Variants in ZNF347 observed in about 807,000 individuals in gnomAD.
ZNF347 encodes the protein zinc finger protein 347.
Under a neutral mutation model 12.9 loss-of-function variants are expected in ZNF347, and 19 were observed. The ratio of observed to expected loss-of-function variants is 1.47; its 90% CI spans 1.03 to 2.16. The LOEUF (loss-of-function observed/expected upper bound fraction) is 2.16. ZNF347 is among the 30% of genes most tolerant of loss of function. ZNF347 has a pLI of 0.00. For synonymous variants in ZNF347, 328 were observed against 340.6 expected, an observed-to-expected ratio of 0.96 and a Z score of 0.41; for missense variants, 1,005 against 990.6, an observed-to-expected ratio of 1.01 and a Z score of -0.19.
Position 53,135,739 on chromosome 19 carries a change from T to G in ZNF347, c.*4569A>C, listed in dbSNP as rs1367413513. The stretch of plus-strand genomic sequence containing the variant: ...TCTGAAATGAGAATATCATTAATAC[T>G]TATTTCAGGAGCTGATGATTCAGTT... On this transcript the variant is annotated 3_prime_UTR_variant, in exon 5 of 5. Coordinates refer to ENST00000334197, the MANE Select transcript of ZNF347 (RefSeq NM_032584.3). The G allele has an allele frequency of 6.6e-6, 1 of 152,228 alleles. No individual in the cohort carries two copies. The highest frequency in any genetic ancestry group is 2.4e-5 in the African/African-American group (1 of 41,452). The allele number at this position is 152,228 out of a possible 1,614,324, so 9.4% of individuals were successfully genotyped here. A position where few individuals can be genotyped will look rare whatever the true frequency, so the allele number is the denominator to read the frequency against.
chr19:53,149,451 C>A, intron 2 of ZNF347, 84 bp from the exon 3 acceptor site: 1 of 1,598,692 alleles, frequency 6.3e-7, no homozygotes, highest in African/African-American at 1.3e-5. Context: ...ATAGATTAAA[C>A]TGGAGTAAGT....
Position 53,137,823 on chromosome 19 carries a change from C to T in ZNF347, c.*2485G>A, listed in dbSNP as rs1393738505. 2 of 151,592 alleles carry T rather than the reference C, an allele frequency of 1.3e-5. No individual in the cohort carries two copies. The highest frequency in any genetic ancestry group is 6.6e-5 in the Admixed American group (1 of 15,242). 9.4% of individuals were successfully genotyped at this position (151,592 alleles called of 1,614,324 possible). A position where few individuals can be genotyped will look rare whatever the true frequency, so the allele number is the denominator to read the frequency against. ...AATTTCATAATTTTTTTTTTTGAGA[C>T]GGAGTCTCACTTTCTCGCCCAGGCT... On this transcript the variant is annotated 3_prime_UTR_variant, in exon 5 of 5. Transcript: ENST00000334197.
intron 4 of ZNF347, among the ~76,000 whole-genome samples, chr19:53,144,065 C>T (rs1280807088): frequency 7.0e-6 from 1 of 143,122 alleles, no homozygotes; most frequent in Non-Finnish European, 1.5e-5. Context: ...TTCTCTCTTG[C>T]TTTCTTTCTT....
At position 53,140,836 on chromosome 19, in the gene ZNF347, C is replaced by G; in HGVS notation, c.1992G>C (p.Gln664His). 6.2e-7 allele frequency: 1 copy of G among 1,613,670 alleles called. No individual in the cohort carries two copies. The highest frequency in any genetic ancestry group is 1.1e-5 in the South Asian group (1 of 91,036). The change falls in exon 5 of 5, where the codon CAG (glutamine) becomes CAC (histidine). Residue 664 changes from glutamine (Q) to histidine (H), a missense_variant. Gln to His is a conservative substitution (Grantham distance 24). Coordinates refer to ENST00000334197, the MANE Select transcript of ZNF347 (RefSeq NM_032584.3). ...TCCGATGTCTTGCAAGGTGTGAATT[C>G]TGAGTGAAGACCTTGCCACACTCAT... The part of the protein sequence containing the change: ...KCNECGKVFT[Q>H]NSHLARHRRV...
In ZNF347 at chr19:53,146,784, T is replaced by A. The variant is rs141564191; in HGVS notation, c.271+1897A>T. On this transcript the variant is annotated intron_variant, in intron 4 of 4. Coordinates refer to ENST00000334197, the MANE Select transcript of ZNF347 (RefSeq NM_032584.3). ...AAAAACCTAGAAGAAAGGGATACAT[T>A]TCTGGACACATACAACCTATCAAGA... Among the ~76,000 whole-genome samples, 118 of 152,152 alleles carry A rather than the reference T, an allele frequency of 7.8e-4. 2 individuals are homozygous for A. In the East Asian group the frequency reaches 0.021, roughly 27 times the overall value.
In ZNF347 at chr19:53,140,891, A is replaced by G; in HGVS notation, c.1937T>C (p.Ile646Thr). ...EHSNLTTHQV[I>T]HTGEKPYKCN... is the part of the protein sequence containing the mutation. Reference sequence around the variant, plus strand: ...TTTGTAAGGTTTTTCACCAGTATGGATGACCTGATGGGTAGTTAGGTTTGA... The same window carrying G: ...TTTGTAAGGTTTTTCACCAGTATGGGTGACCTGATGGGTAGTTAGGTTTGA... The change falls in exon 5 of 5, where the codon ATC becomes ACC. Residue 646 changes from isoleucine to threonine, a missense_variant. By Grantham distance (89) the Ile-to-Thr change is moderately conservative (BLOSUM62 -1). Coordinates refer to ENST00000334197, the MANE Select transcript of ZNF347 (RefSeq NM_032584.3). 1 of 1,613,440 alleles carries G rather than the reference A, an allele frequency of 6.2e-7. No individual in the cohort carries two copies. The highest frequency in any genetic ancestry group is 8.5e-7 in the Non-Finnish European group (1 of 1,179,852).
rs543465832 is a variant in ZNF347 at position 53,148,732 on chromosome 19, G to A, written c.220C>T (p.Gln74Ter). The change falls in exon 4 of 5, where the codon CAA becomes TAA. Residue 74 changes from glutamine to a stop codon, truncating the protein, a stop_gained. Transcript: ENST00000334197. LOFTEE classifies it high-confidence loss of function. ...KEPFTLESQV[Q>*]IAGNPDGWEW... is the part of the protein sequence containing the mutation. Reference sequence around the variant, plus strand: ...CATCCATCTGGGTTTCCTGCTATTTGTACTTGGCTCTCCAAAGTGAAAGGC... The same window carrying A: ...CATCCATCTGGGTTTCCTGCTATTTATACTTGGCTCTCCAAAGTGAAAGGC... 6 of 1,613,908 alleles carry A rather than the reference G, an allele frequency of 3.7e-6. No individual in the cohort carries two copies. The highest frequency in any genetic ancestry group is 2.2e-5 in the East Asian group (1 of 44,846).
chr19:53,148,525 A>G (rs1452340610), intron 4 of ZNF347, among the ~76,000 whole-genome samples, 156 bp downstream of exon 4: 1 of 152,246 alleles, frequency 6.6e-6, no homozygotes, highest in East Asian at 1.9e-4. Flanking sequence ...ATAAACTAGT[A>G]CAAGTCTAAA....
Position 53,140,718 on chromosome 19 carries a change from T to C in ZNF347, c.2110A>G (p.Thr704Ala). 6.2e-7 allele frequency: 1 copy of C among 1,613,566 alleles called. No homozygotes were observed. Among genetic ancestry groups the C allele is most frequent in the South Asian group, 1.1e-5 (1 of 91,012 alleles). The stretch of plus-strand genomic sequence containing the variant: ...TTACACTCATATGGTTTCTCTCCAG[T>C]ATGAACTCTCTGATGCCTTGCAAGC... ...SKLARHQRVH[T>A]GEKPYECNQC... Residue 704 changes from threonine (T) to alanine (A), a missense_variant, in exon 5 of 5, where the codon ACT (threonine) becomes GCT (alanine). By Grantham distance (58) the Thr-to-Ala change is moderately conservative. Transcript: ENST00000334197.
Position 53,140,448 on chromosome 19 carries a change from C to T in ZNF347, c.2380G>A (p.Glu794Lys). ...CAGATACTAAAGGGTTTCCCACACT[C>T]ATATGGTTTCTCTCCGGTATGAATT... is the stretch of plus-strand genomic sequence containing the variant. ...QRIHTGEKPY[E>K]CGKPFSICSS... Residue 794 changes from glutamate to lysine, a missense_variant, in exon 5 of 5, where the codon GAG becomes AAG. Glu to Lys is a moderately conservative substitution (Grantham distance 56). Coordinates refer to ENST00000334197, the MANE Select transcript of ZNF347 (RefSeq NM_032584.3). 6.2e-7 allele frequency: 1 copy of T among 1,613,918 alleles called. No homozygotes were observed.
intron 4 of ZNF347, among the ~76,000 whole-genome samples, chr19:53,146,976 C>T (rs761700558): frequency 1.3e-5 from 2 of 152,188 alleles, no homozygotes; most frequent in Non-Finnish European, 2.9e-5. Context: ...TAGCTCACGC[C>T]TGTAATCCCA....
In ZNF347 at chr19:53,136,417, TA is replaced by T. The variant is rs1318179259; in HGVS notation, c.*3890del. 1 of 151,880 alleles carries T rather than the reference TA, an allele frequency of 6.6e-6. No individual in the cohort carries two copies. The highest frequency in any genetic ancestry group is 2.4e-5 in the African/African-American group (1 of 41,314). 9.4% of individuals were successfully genotyped at this position (151,880 alleles called of 1,614,324 possible). On this transcript the variant is annotated 3_prime_UTR_variant, in exon 5 of 5. Transcript: ENST00000334197. The stretch of plus-strand genomic sequence containing the variant: ...AAAATGTATGGAAGGAAAAAATCCT[TA>T]AAGTAAAAATCATATACAAAAACAA...
rs771105929 is a variant in ZNF347, at chr19:53,141,457, G to T, written c.1371C>A (p.Tyr457Ter). 1 of 1,613,888 alleles carries T rather than the reference G, an allele frequency of 6.2e-7. No individual in the cohort carries two copies. The highest frequency in any genetic ancestry group is 8.5e-7 in the Non-Finnish European group (1 of 1,179,982). The change falls in exon 5 of 5, where the codon TAC becomes TAA. Residue 457 changes from tyrosine to a stop codon, truncating the protein, a stop_gained. Transcript: ENST00000334197. LOFTEE classifies it low-confidence loss of function (END_TRUNC). ...HLVIHTGEKP[Y>*]KCHECGKVFR... Reference sequence around the variant, plus strand: ...AGACCTTGCCGCATTCATGACATTTGTAAGGCTTTTCTCCGGTGTGAATTA... The same window carrying T: ...AGACCTTGCCGCATTCATGACATTTTTAAGGCTTTTCTCCGGTGTGAATTA...
chr19:53,149,530 T>C, intron 2 of ZNF347, 163 bp from the exon 3 acceptor site: 3 of 1,344,830 alleles, frequency 2.2e-6, no homozygotes, highest in Non-Finnish European at 2.9e-6. Context: ...CTGACATACA[T>C]CTCACTTGGA....
chr19:53,148,401 C>T (rs1018189770), intron 4 of ZNF347, among the ~76,000 whole-genome samples: 3 of 152,154 alleles, frequency 2.0e-5, no homozygotes, highest in Non-Finnish European at 4.4e-5. Context: ...ACAGCCCTCC[C>T]TGTGCCACAC....
In ZNF347 at chr19:53,142,148, G is replaced by A. The variant is rs750351520; in HGVS notation, c.680C>T (p.Pro227Leu). 3.1e-6 allele frequency: 5 copies of A among 1,613,848 alleles called. No homozygotes were observed. In the Admixed American group the frequency reaches 6.7e-5, roughly 22 times the overall value. Residue 227 changes from proline to leucine, a missense_variant, in exon 5 of 5, where the codon CCT (proline) becomes CTT (leucine). Transcript: ENST00000334197. ...AGAAATGTGGGTTTTGACATTATAA[G>A]GCATTTGTTGAGGTGGTGAAACTGA... ...NSSVSPPQQMPYNVKTHISKK... is the reference protein window; with the variant it reads ...NSSVSPPQQMLYNVKTHISKK...
Position 53,142,513 on chromosome 19 carries a change from C to T in ZNF347, c.315G>A (p.Gly105=), listed in dbSNP as rs2090436261. 3 of 1,607,262 alleles carry T rather than the reference C, an allele frequency of 1.9e-6. No individual in the cohort carries two copies. The East Asian group carries it at 6.7e-5, about 36-fold the overall frequency. ...EFVMKDLLHK[G]KSNTGEVFQT... The stretch of plus-strand genomic sequence containing the variant: ...GGAATACTTCTCCTGTATTACTCTT[C>T]CCTTTGTGTAGTAAATCTTTCATTA... Residue 105 remains glycine (G), a synonymous_variant, in exon 5 of 5, where the codon GGG becomes GGA. Transcript: ENST00000334197.
chr19:53,155,155 C>G (rs566271199), intron 1 of ZNF347, among the ~76,000 whole-genome samples: 2 of 152,146 alleles, frequency 1.3e-5, no homozygotes, highest in South Asian at 4.1e-4. Context: ...CCAGGCTGGT[C>G]TCGAACTCCT....
At position 53,154,351 on chromosome 19, in the gene ZNF347, C is replaced by T. The variant is rs117103591; in HGVS notation, c.-46-558G>A. On this transcript the variant is annotated intron_variant, in intron 1 of 4. Transcript: ENST00000334197. ...AAAAAGTAATAAATTTAGCCAGGCA[C>T]GGTCACTCACGTCTTGTAACCTCAG... is the stretch of plus-strand genomic sequence containing the variant. Among the ~76,000 whole-genome samples, 11 of 152,078 alleles carry T rather than the reference C, an allele frequency of 7.2e-5. No homozygotes were observed. The East Asian group carries it at 1.2e-3, about 16-fold the overall frequency.
Sources: allele counts gnomAD v4.1 joint callset (sites outside exome capture counted in the v4.1 genomes callset), GRCh38; gene constraint gnomAD v4.1.1; transcripts MANE v1.5; gene names NCBI Gene and HGNC (gene_info 2026-07-23, HGNC 2026-07-21).